The following PPP3CA variants were observed in gnomAD, a reference collection of about 807,000 sequenced individuals.
PPP3CA encodes protein phosphatase 3 catalytic subunit alpha.
PPP3CA carries 14 observed loss-of-function variants against 66.5 expected under a neutral mutation model. The ratio of observed to expected loss-of-function variants is 0.21; its 90% confidence interval spans 0.14 to 0.33. The LOEUF is 0.33. Among genes scored for constraint, PPP3CA ranks in the 10% least tolerant of loss-of-function variants. The probability of loss-of-function intolerance (pLI) is 1.00; values close to 1 mark genes in which losing one functional copy is unlikely to be tolerated. For missense variants in PPP3CA, 317 were observed against 639.5 expected (o/e 0.50, Z 5.44); for synonymous variants, 232 against 226.2 (o/e 1.03, Z -0.23).
At chr4:101,032,069 A>C (rs1726991931) in intron 12 of PPP3CA, among the ~76,000 whole-genome samples, 198 bp downstream of exon 12, 1 of 152,202 alleles carries the variant, frequency 6.6e-6, no homozygotes, top group Non-Finnish European at 1.5e-5. Context: ...AGGTGGAGTA[A>C]AGACCACATT....
chr4:101,199,365 T>C (rs1043892962), intron 1 of PPP3CA, among the ~76,000 whole-genome samples: 3 of 152,218 alleles, frequency 2.0e-5, no homozygotes, highest in Non-Finnish European at 4.4e-5. Flanking sequence ...GTTGCTTTCA[T>C]TGATACATGA....
chr4:101,236,436 G>C (rs923221706), intron 1 of PPP3CA, among the ~76,000 whole-genome samples: 1 of 151,930 alleles, frequency 6.6e-6, no homozygotes, highest in Non-Finnish European at 1.5e-5. Context: ...TCTGTGGTTG[G>C]AGTGCTAGGC....
chr4:101,198,069 C>CA (rs1724857639), intron 1 of PPP3CA, among the ~76,000 whole-genome samples: 1 of 151,730 alleles, frequency 6.6e-6, no homozygotes, highest in African/African-American at 2.4e-5. Flanking sequence ...ATACATAATA[C>CA]AAAAACAAAA....
intron 2 of PPP3CA, chr4:101,171,343 ATTCT>A: frequency 4.7e-6 from 1 of 212,484 alleles, no homozygotes; most frequent in Admixed American, 6.2e-5. Flanking sequence ...TTTATGAACA[ATTCT>A]TTCAAAAAAA....
chr4:101,248,528 A>C (rs1311781191), intron 1 of PPP3CA, among the ~76,000 whole-genome samples: 1 of 152,218 alleles, frequency 6.6e-6, no homozygotes, highest in Non-Finnish European at 1.5e-5. Context: ...AGTAAACATC[A>C]TATCAAATTC....
chr4:101,325,567 A>G (rs1729182019), intron 1 of PPP3CA, among the ~76,000 whole-genome samples: 1 of 152,244 alleles, frequency 6.6e-6, no homozygotes, highest in Non-Finnish European at 1.5e-5. Context: ...TAATATGCAT[A>G]AAATATGAGG....
intron 1 of PPP3CA, among the ~76,000 whole-genome samples, chr4:101,211,156 T>C (rs1422523421): frequency 6.6e-6 from 1 of 152,074 alleles, no homozygotes; most frequent in Non-Finnish European, 1.5e-5. Flanking sequence ...GCACAGCAAA[T>C]AAGCAGGGGA....
rs1209745178 is a variant in PPP3CA, at chr4:101,270,508, C to T, written c.59-74392G>A. On this transcript the variant is annotated intron_variant, in intron 1 of 13. Coordinates refer to ENST00000394854, the MANE Select transcript of PPP3CA (RefSeq NM_000944.5). ...AAGACACTAAAAATATGTTTAAAGA[C>T]ACAAACAATTTCCTACCAGTTATTT... Among the ~76,000 whole-genome samples, 5 of 152,226 alleles carry T rather than the reference C, an allele frequency of 3.3e-5. 1 individual carries two copies. Among genetic ancestry groups the T allele is most frequent in the Non-Finnish European group, 4.4e-5 (3 of 67,978 alleles).
intron 2 of PPP3CA, among the ~76,000 whole-genome samples, chr4:101,176,130 C>A (rs1724050943): frequency 6.6e-6 from 1 of 152,042 alleles, no homozygotes; most frequent in Non-Finnish European, 1.5e-5. Context: ...CAGAAGTGAG[C>A]TCTGGGTCAA....
intron 2 of PPP3CA, among the ~76,000 whole-genome samples, chr4:101,132,986 C>G (rs1476181397): frequency 1.3e-5 from 2 of 152,140 alleles, no homozygotes; most frequent in African/African-American, 4.8e-5. Context: ...TAAACAGAAC[C>G]AAGGACAAAA....
intron 2 of PPP3CA, among the ~76,000 whole-genome samples, chr4:101,109,405 C>T (rs969581412): frequency 2.7e-5 from 4 of 149,016 alleles, no homozygotes; most frequent in Non-Finnish European, 5.9e-5. Flanking sequence ...AGGATGTTTA[C>T]ACACATTTTT....
intron 13 of PPP3CA, among the ~76,000 whole-genome samples, chr4:101,028,823 G>A (rs1039052865): frequency 3.3e-5 from 5 of 152,112 alleles, no homozygotes; most frequent in Admixed American, 1.3e-4. Flanking sequence ...ATTTGAGGGA[G>A]GGACATGGTT....
At position 101,327,661 on chromosome 4, in the gene PPP3CA, T is replaced by C. The variant is rs890543582; in HGVS notation, c.58+19078A>G. Among the ~76,000 whole-genome samples the C allele has an allele frequency of 5.3e-5, 8 of 152,156 alleles. No individual in the cohort carries two copies. In the East Asian group the frequency reaches 1.3e-3, roughly 26 times the overall value. On this transcript the variant is annotated intron_variant, in intron 1 of 13. Coordinates refer to ENST00000394854, the MANE Select transcript of PPP3CA (RefSeq NM_000944.5). ...TTTTTCTATACTTATAACATTCAAA[T>C]TAGCTGTATATGTATTATAAATGTT...
At chr4:101,307,774 A>G (rs1221771183) in intron 1 of PPP3CA, among the ~76,000 whole-genome samples, 1 of 152,198 alleles carries the variant, frequency 6.6e-6, no homozygotes, top group East Asian at 1.9e-4. Context: ...CGAATACCAT[A>G]CTGAATGCTT....
At chr4:101,100,311 C>A (rs1730386228) in intron 3 of PPP3CA, among the ~76,000 whole-genome samples, 1 of 152,058 alleles carries the variant, frequency 6.6e-6, no homozygotes, top group African/African-American at 2.4e-5. Context: ...TTTGCCTCCT[C>A]ATTTTGTTGT....
At chr4:101,298,599 TCTTC>T (rs1383706101) in intron 1 of PPP3CA, among the ~76,000 whole-genome samples, 4 of 152,138 alleles carry the variant, frequency 2.6e-5, no homozygotes, top group African/African-American at 4.8e-5. Flanking sequence ...AGTAATTTTC[TCTTC>T]CTTAATGATT....
rs78796106 is a variant in PPP3CA at position 101,298,087 on chromosome 4, C to T, written c.58+48652G>A. On this transcript the variant is annotated intron_variant, in intron 1 of 13. Transcript: ENST00000394854. Reference sequence around the variant, plus strand: ...CCAATAAGTGACTCCAGAGATTCCTCTCAGTTCCAAAGACCTAGGACTGTA... The same window carrying T: ...CCAATAAGTGACTCCAGAGATTCCTTTCAGTTCCAAAGACCTAGGACTGTA... Among the ~76,000 whole-genome samples, 868 of 152,066 alleles carry T rather than the reference C, an allele frequency of 5.7e-3. 4 individuals are homozygous for T. Among genetic ancestry groups the T allele is most frequent in the African/African-American group, 0.02 (844 of 41,474 alleles).
At chr4:101,107,173 T>C (rs139038282) in intron 3 of PPP3CA, among the ~76,000 whole-genome samples, 24 of 152,342 alleles carry the variant, frequency 1.6e-4, no homozygotes, top group Non-Finnish European at 3.1e-4. Flanking sequence ...TACTTGTTCT[T>C]TGATTCAGTC....
intron 3 of PPP3CA, among the ~76,000 whole-genome samples, chr4:101,106,485 G>GA (rs1560605348): frequency 6.5e-5 from 4 of 61,928 alleles, no homozygotes; most frequent in Non-Finnish European, 3.0e-5. Context: ...GAAAAGAAAA[G>GA]AAAAGAAAAG....
Sources: gnomAD v4.1 joint callset for allele counts (sites outside exome capture counted in the v4.1 genomes callset) on GRCh38, gnomAD v4.1.1 for gene constraint, MANE v1.5 for transcripts, NCBI Gene and HGNC (gene_info 2026-07-23, HGNC 2026-07-21) for gene names.